NKAIN2: variants seen among roughly 807,000 people sequenced by gnomAD.
The protein encoded by NKAIN2 is sodium/potassium transporting ATPase interacting 2.
Under a neutral mutation model 32.6 loss-of-function variants are expected in NKAIN2, and 14 were observed. The observed-to-expected ratio is 0.43, with a 90% CI of 0.28 to 0.67. The LOEUF (loss-of-function observed/expected upper bound fraction) is 0.67, where lower values mean the gene tolerates loss of function less well. Ranked by LOEUF, NKAIN2 falls within the 30% of genes least tolerant of loss-of-function variation. The probability of loss-of-function intolerance (pLI) is 0.17; values close to 1 mark genes in which losing one functional copy is unlikely to be tolerated. For synonymous variants in NKAIN2, 80 were observed against 87.2 expected, an observed-to-expected ratio of 0.92 and a Z score of 0.46; for missense variants, 198 against 258.3, an observed-to-expected ratio of 0.77 and a Z score of 1.60.
chr6:124,557,056 A>C (rs1780501505), intron 3 of NKAIN2, among the ~76,000 whole-genome samples: 1 of 152,214 alleles, frequency 6.6e-6, no homozygotes, highest in South Asian at 2.1e-4. Context: ...CACCAGAACA[A>C]AAATTTTGTC....
chr6:124,134,737 A>G (rs1018185904), intron 1 of NKAIN2, among the ~76,000 whole-genome samples: 1 of 152,186 alleles, frequency 6.6e-6, no homozygotes, highest in African/African-American at 2.4e-5. Flanking sequence ...ATAATTGAGG[A>G]AAACTTCCCT....
intron 1 of NKAIN2, among the ~76,000 whole-genome samples, chr6:124,105,641 A>G (rs1421090800): frequency 6.6e-6 from 1 of 152,220 alleles, no homozygotes; most frequent in Non-Finnish European, 1.5e-5. Context: ...TAAGGGGCTC[A>G]TAGCCAGTCA....
chr6:124,719,478 C>A (rs6569396), intron 4 of NKAIN2, among the ~76,000 whole-genome samples: 69,723 of 151,962 alleles, frequency 0.46, 16,270 homozygotes, highest in African/African-American at 0.51. Flanking sequence ...AGCAAATTCT[C>A]TACCTTTAGA....
At chr6:124,173,734 A>C (rs1349087451) in intron 1 of NKAIN2, among the ~76,000 whole-genome samples, 1 of 152,098 alleles carries the variant, frequency 6.6e-6, no homozygotes, top group Non-Finnish European at 1.5e-5. Context: ...AATAATTTGA[A>C]TATCCCTCTT....
chr6:124,793,850 G>C (rs1168577197), intron 5 of NKAIN2, among the ~76,000 whole-genome samples: 1 of 152,080 alleles, frequency 6.6e-6, no homozygotes, highest in Non-Finnish European at 1.5e-5. Flanking sequence ...GCCAGATACA[G>C]ATCAAAGAGA....
intron 1 of NKAIN2, among the ~76,000 whole-genome samples, chr6:124,171,717 AT>A (rs1165899641): frequency 2.1e-4 from 28 of 134,900 alleles, no homozygotes; most frequent in East Asian, 4.5e-4. Flanking sequence ...CGCCCGGCTA[AT>A]TTTTTTGTAT....
intron 3 of NKAIN2, among the ~76,000 whole-genome samples, chr6:124,363,303 A>C (rs1023634651): frequency 9.9e-5 from 15 of 152,210 alleles, no homozygotes; most frequent in African/African-American, 3.6e-4. Context: ...GACTACTCAA[A>C]AAAAGCTATA....
chr6:124,498,167 C>T (rs1262541171), intron 3 of NKAIN2, among the ~76,000 whole-genome samples: 1 of 152,110 alleles, frequency 6.6e-6, no homozygotes, highest in Non-Finnish European at 1.5e-5. Context: ...GTTACTTATT[C>T]ATTCCTGCAC....
chr6:124,067,757 G>A (rs536339633), intron 1 of NKAIN2, among the ~76,000 whole-genome samples: 7 of 152,080 alleles, frequency 4.6e-5, no homozygotes, highest in Admixed American at 1.3e-4. Flanking sequence ...TGTCTTGAAC[G>A]TACAAATTCC....
At chr6:123,968,283 A>G (rs553739920) in intron 1 of NKAIN2, among the ~76,000 whole-genome samples, 2 of 152,204 alleles carry the variant, frequency 1.3e-5, no homozygotes, top group Non-Finnish European at 2.9e-5. Context: ...TTTCTGGCTC[A>G]TGCCCTTCAA....
At chr6:124,288,849 A>G (rs558621501) in intron 2 of NKAIN2, among the ~76,000 whole-genome samples, 1 of 152,324 alleles carries the variant, frequency 6.6e-6, no homozygotes, top group South Asian at 2.1e-4. Flanking sequence ...GGAAACACCA[A>G]TATAGACATA....
intron 1 of NKAIN2, among the ~76,000 whole-genome samples, chr6:124,211,240 A>G (rs937375139): frequency 2.0e-5 from 3 of 151,912 alleles, no homozygotes; most frequent in Admixed American, 1.3e-4. Context: ...CATGAGCAAT[A>G]TAATTTTAAA....
chr6:124,278,650 C>CATATATATAT lies in NKAIN2; in HGVS notation c.55-4324_55-4315dup, dbSNP rs57008229. Among the ~76,000 whole-genome samples the CATATATATAT allele has an allele frequency of 8.5e-3, 582 of 68,874 alleles. 10 individuals are homozygous for CATATATATAT. Among genetic ancestry groups the CATATATATAT allele is most frequent in the Non-Finnish European group, 9.9e-3 (320 of 32,374 alleles). The allele number at this position is 68,874 out of a possible 152,430, so 45.2% of individuals were successfully genotyped here. On this transcript the variant is annotated intron_variant, in intron 1 of 6. Transcript: ENST00000368417. ...CACACAAACACACATATACATAGCT[C>CATATATATAT]ATATATATATATATATATATATATA...
chr6:123,941,685 T>C (rs1260608228), intron 1 of NKAIN2, among the ~76,000 whole-genome samples: 1 of 151,982 alleles, frequency 6.6e-6, no homozygotes, highest in African/African-American at 2.4e-5. Context: ...GCCCTGCTGT[T>C]ACATGCATAG....
At chr6:124,058,223 G>A (rs1416688766) in intron 1 of NKAIN2, among the ~76,000 whole-genome samples, 1 of 129,020 alleles carries the variant, frequency 7.8e-6, no homozygotes, top group Non-Finnish European at 1.7e-5. Flanking sequence ...TTTTTTTTCG[G>A]TTTTAGGCAT....
intron 3 of NKAIN2, among the ~76,000 whole-genome samples, chr6:124,648,911 C>T (rs1038866662): frequency 1.4e-4 from 21 of 152,078 alleles, no homozygotes; most frequent in Admixed American, 8.5e-4. Context: ...GAATAAATCT[C>T]AAGACAAATT....
intron 1 of NKAIN2, among the ~76,000 whole-genome samples, chr6:124,074,568 G>T (rs1044225874): frequency 2.6e-5 from 4 of 152,122 alleles, no homozygotes; most frequent in African/African-American, 9.7e-5. Flanking sequence ...TGCAAGTGAG[G>T]GATCCAGATG....
intron 1 of NKAIN2, among the ~76,000 whole-genome samples, chr6:123,891,800 A>G (rs1327761514): frequency 1.3e-5 from 2 of 152,196 alleles, no homozygotes; most frequent in East Asian, 1.9e-4. Flanking sequence ...ATAATGCCAA[A>G]TTTCTATTTC....
intron 1 of NKAIN2, among the ~76,000 whole-genome samples, chr6:124,013,152 T>G (rs550602315): frequency 6.6e-6 from 1 of 152,352 alleles, no homozygotes; most frequent in South Asian, 2.1e-4. Context: ...ACAAATAATT[T>G]GCCCATTTTA....
Sources: allele counts gnomAD v4.1 joint callset (sites outside exome capture counted in the v4.1 genomes callset), GRCh38; gene constraint gnomAD v4.1.1; transcripts MANE v1.5; gene names NCBI Gene and HGNC (gene_info 2026-07-23, HGNC 2026-07-21).